MACROD2: variants seen among roughly 807,000 people sequenced by gnomAD.
The protein encoded by MACROD2 is mono-ADP ribosylhydrolase 2.
MACROD2 carries 36 observed loss-of-function variants against 70.4 expected under a neutral mutation model. The ratio of observed to expected loss-of-function variants is 0.51; its 90% CI spans 0.39 to 0.68. MACROD2 has a LOEUF of 0.68. Ranked by LOEUF, MACROD2 falls within the 30% of genes least tolerant of loss-of-function variation. The pLI, the probability that MACROD2 is intolerant of heterozygous loss-of-function variation, is 0.00. For synonymous variants in MACROD2, 172 were observed against 178.8 expected, an observed-to-expected ratio of 0.96 and a Z score of 0.30; for missense variants, 496 against 538.4, an observed-to-expected ratio of 0.92 and a Z score of 0.78.
intron 6 of MACROD2, among the ~76,000 whole-genome samples, chr20:15,340,384 C>G (rs2078098386): frequency 6.6e-6 from 1 of 151,820 alleles, no homozygotes; most frequent in Non-Finnish European, 1.5e-5. Flanking sequence ...GATCCATCCG[C>G]CTCGGACTCC....
chr20:15,543,636 A>G (rs2047988212), intron 8 of MACROD2, among the ~76,000 whole-genome samples: 1 of 152,148 alleles, frequency 6.6e-6, no homozygotes, highest in Non-Finnish European at 1.5e-5. Flanking sequence ...CATTGTTACA[A>G]TTTCAAGCAG....
chr20:15,846,911 TTATATATATATATATATATATATATATA>T (rs33993940), intron 8 of MACROD2, among the ~76,000 whole-genome samples: 2 of 138,104 alleles, frequency 1.4e-5, no homozygotes, highest in African/African-American at 5.5e-5. Context: ...AAAAAAAAAA[TTATATATATATATATATATATATATATA>T]TATATATATA....
intron 5 of MACROD2, among the ~76,000 whole-genome samples, chr20:15,148,250 G>C (rs1463770210): frequency 6.6e-6 from 1 of 151,850 alleles, no homozygotes; most frequent in Non-Finnish European, 1.5e-5. Flanking sequence ...GACATTGTGG[G>C]GGGTTGTTAG....
At chr20:15,769,638 A>C (rs1287449125) in intron 8 of MACROD2, among the ~76,000 whole-genome samples, 1 of 152,176 alleles carries the variant, frequency 6.6e-6, no homozygotes, top group Non-Finnish European at 1.5e-5. Flanking sequence ...GACAATAGGA[A>C]TTTTTCAGCT....
chr20:15,740,042 C>A (rs190872224), intron 8 of MACROD2, among the ~76,000 whole-genome samples: 35 of 152,326 alleles, frequency 2.3e-4, no homozygotes, highest in Middle Eastern at 6.8e-3. Flanking sequence ...ATGTCTACTT[C>A]AGGTCACATT....
At chr20:14,612,395 T>C (rs1332904976) in intron 4 of MACROD2, among the ~76,000 whole-genome samples, 1 of 152,132 alleles carries the variant, frequency 6.6e-6, no homozygotes, top group East Asian at 1.9e-4. Flanking sequence ...GCCTTTGTCA[T>C]TGCCTTTAGG....
chr20:14,798,348 T>A (rs1263272635), intron 5 of MACROD2, among the ~76,000 whole-genome samples: 1 of 152,136 alleles, frequency 6.6e-6, no homozygotes, highest in Non-Finnish European at 1.5e-5. Context: ...GTTTCAATTT[T>A]TCTATAATTT....
chr20:15,680,406 CTA>C (rs2050145015), intron 8 of MACROD2, among the ~76,000 whole-genome samples: 1 of 152,130 alleles, frequency 6.6e-6, no homozygotes, highest in Admixed American at 6.5e-5. Context: ...AAACAAGAAA[CTA>C]TGAAGTCCCT....
At chr20:15,023,229 C>A (rs1331265605) in intron 5 of MACROD2, among the ~76,000 whole-genome samples, 1 of 152,162 alleles carries the variant, frequency 6.6e-6, no homozygotes, top group African/African-American at 2.4e-5. Flanking sequence ...CCAAGAAACA[C>A]TTAGAGCCTC....
chr20:15,003,729 G>A (rs2064281750), intron 5 of MACROD2, among the ~76,000 whole-genome samples: 1 of 152,142 alleles, frequency 6.6e-6, no homozygotes. Flanking sequence ...TAAAGCTAAT[G>A]TAAGGCTACA....
intron 4 of MACROD2, among the ~76,000 whole-genome samples, chr20:14,535,852 TAGA>T (rs1403241500): frequency 6.6e-6 from 1 of 152,198 alleles, no homozygotes. Flanking sequence ...ATTGAATTTG[TAGA>T]AGATTTCACT....
intron 6 of MACROD2, among the ~76,000 whole-genome samples, chr20:15,280,376 T>A (rs2077433005): frequency 6.6e-6 from 1 of 152,144 alleles, no homozygotes; most frequent in African/African-American, 2.4e-5. Context: ...AGACTAAATA[T>A]CTTATATTCA....
At chr20:14,492,789 A>C (rs1388521216) in intron 3 of MACROD2, among the ~76,000 whole-genome samples, 2 of 152,124 alleles carry the variant, frequency 1.3e-5, no homozygotes, top group Non-Finnish European at 2.9e-5. Context: ...AAATTTAGGC[A>C]TAAGGTTGTT....
chr20:15,129,389 C>A lies in MACROD2; in HGVS notation c.419-100551C>A, dbSNP rs868436008. Among the ~76,000 whole-genome samples the A allele has an allele frequency of 3.9e-5, 6 of 151,946 alleles. No homozygotes were observed. In the South Asian group the frequency reaches 1.0e-3, roughly 26 times the overall value. On this transcript the variant is annotated intron_variant, in intron 5 of 17. Coordinates refer to ENST00000684519, the MANE Select transcript of MACROD2 (RefSeq NM_001351661.2). ...TAACTAATGGGCAAACTGGAACTAA[C>A]GGAAAGGAATTTTATTTCTTTATTC...
intron 4 of MACROD2, chr20:14,628,807 T>C (rs1260130687): frequency 6.6e-6 from 1 of 152,160 alleles, no homozygotes; most frequent in East Asian, 1.9e-4. Context: ...TGACAAGAGC[T>C]GTTCATCTTC....
intron 3 of MACROD2, among the ~76,000 whole-genome samples, chr20:14,339,581 A>G (rs776500220): frequency 2.0e-5 from 3 of 152,186 alleles, no homozygotes; most frequent in Non-Finnish European, 4.4e-5. Context: ...AGAAAAATCA[A>G]TTGGTGAATT....
At chr20:15,046,289 T>C (rs1317356321) in intron 5 of MACROD2, among the ~76,000 whole-genome samples, 1 of 152,216 alleles carries the variant, frequency 6.6e-6, no homozygotes, top group Non-Finnish European at 1.5e-5. Context: ...TCCCACATGA[T>C]GACTTCTAAA....
intron 10 of MACROD2, among the ~76,000 whole-genome samples, chr20:15,895,409 T>C (rs1568623834): frequency 6.6e-6 from 1 of 152,224 alleles, no homozygotes; most frequent in Non-Finnish European, 1.5e-5. Context: ...GTTCATTTGT[T>C]CCTAAGAGGG....
At chr20:15,823,039 T>A (rs1468771520) in intron 8 of MACROD2, among the ~76,000 whole-genome samples, 1 of 152,202 alleles carries the variant, frequency 6.6e-6, no homozygotes. Flanking sequence ...GAGAATGGCT[T>A]ATGACCCACA....
Sources: gnomAD v4.1 joint callset for allele counts (sites outside exome capture counted in the v4.1 genomes callset) on GRCh38, gnomAD v4.1.1 for gene constraint, MANE v1.5 for transcripts, NCBI Gene and HGNC (gene_info 2026-07-23, HGNC 2026-07-21) for gene names.